CSMD1: variants seen among roughly 807,000 people sequenced by gnomAD.
CSMD1 encodes CUB and Sushi multiple domains 1.
In CSMD1, 213 loss-of-function variants were observed where a neutral mutation model predicts 417.5. That is an observed-to-expected ratio of 0.51 (90% CI 0.46 to 0.57). The LOEUF (loss-of-function observed/expected upper bound fraction) is 0.57, where lower values mean the gene tolerates loss of function less well. Among genes scored for constraint, CSMD1 ranks in the 20% least tolerant of loss-of-function variants. CSMD1 has a pLI of 0.00. For missense variants in CSMD1, 6,923 were observed against 4,529.7 expected (o/e 1.53, Z -15.17); for synonymous variants, 2,862 against 1,736.8 (o/e 1.65, Z -16.11).
chr8:2,958,113 C>T (rs1018286942), intron 62 of CSMD1, among the ~76,000 whole-genome samples: 4 of 152,018 alleles, frequency 2.6e-5, no homozygotes, highest in Non-Finnish European at 5.9e-5. Flanking sequence ...ATTATTATTT[C>T]CTTTTTCATT....
At chr8:3,621,098 G>C (rs961752623) in intron 7 of CSMD1, among the ~76,000 whole-genome samples, 2 of 152,172 alleles carry the variant, frequency 1.3e-5, no homozygotes, top group East Asian at 1.9e-4. Flanking sequence ...TCATCCACAA[G>C]ACAAGGAGAG....
chr8:4,391,346 A>G (rs1803838442), intron 3 of CSMD1, among the ~76,000 whole-genome samples: 2 of 152,114 alleles, frequency 1.3e-5, no homozygotes, highest in Non-Finnish European at 2.9e-5. Context: ...GACTGAGCTG[A>G]GCTATGGACT....
intron 3 of CSMD1, among the ~76,000 whole-genome samples, chr8:4,060,294 C>A (rs1485552605): frequency 1.1e-4 from 16 of 152,128 alleles, no homozygotes; most frequent in Non-Finnish European, 2.9e-5. Context: ...GGACGTATCT[C>A]AGAATAATAA....
chr8:4,104,247 A>G (rs1056206439), intron 3 of CSMD1, among the ~76,000 whole-genome samples: 2 of 152,252 alleles, frequency 1.3e-5, no homozygotes, highest in African/African-American at 2.4e-5. Flanking sequence ...AGACATAGAT[A>G]CATAATGATT....
rs555049278 is a variant in CSMD1, at chr8:2,986,640, G to A, written c.8378-7840C>T. 5.9e-5 allele frequency among the ~76,000 whole-genome samples: 9 copies of A among 152,132 alleles called. No individual in the cohort carries two copies. The East Asian group carries it at 1.7e-3, about 30-fold the overall frequency. ...CTGCCTCAGTCTCCCGAGTAGGTGG[G>A]ACTACAGGTGCCCACCACCACGCCC... On this transcript the variant is annotated intron_variant, in intron 54 of 69. Coordinates refer to ENST00000635120, the MANE Select transcript of CSMD1 (RefSeq NM_033225.6).
intron 3 of CSMD1, among the ~76,000 whole-genome samples, chr8:4,145,932 G>A (rs750063669): frequency 6.6e-6 from 1 of 150,924 alleles, no homozygotes; most frequent in Non-Finnish European, 1.5e-5. Flanking sequence ...CCCATTGTTT[G>A]TAAGACTGAC....
chr8:4,563,026 A>G (rs1245799382), intron 2 of CSMD1, among the ~76,000 whole-genome samples: 2 of 152,152 alleles, frequency 1.3e-5, no homozygotes, highest in Non-Finnish European at 2.9e-5. Flanking sequence ...CCGGTGTTTT[A>G]AACAGTGTTT....
At chr8:4,523,559 T>A (rs911976196) in intron 2 of CSMD1, among the ~76,000 whole-genome samples, 1 of 152,114 alleles carries the variant, frequency 6.6e-6, no homozygotes, top group Non-Finnish European at 1.5e-5. Context: ...GCAGACAGAA[T>A]ATGCAATTGT....
At chr8:3,841,603 T>C (rs1803137360) in intron 5 of CSMD1, among the ~76,000 whole-genome samples, 1 of 152,018 alleles carries the variant, frequency 6.6e-6, no homozygotes. Context: ...CTAGAAAGGA[T>C]TTTAGAACTG....
chr8:3,438,975 C>T (rs1407913384), intron 12 of CSMD1, among the ~76,000 whole-genome samples: 1 of 150,568 alleles, frequency 6.6e-6, no homozygotes. Context: ...ATTAGCCGGG[C>T]ATGGTAGTGG....
chr8:3,218,279 T>C (rs962040643), intron 29 of CSMD1, among the ~76,000 whole-genome samples: 4 of 152,110 alleles, frequency 2.6e-5, no homozygotes, highest in African/African-American at 7.2e-5. Context: ...ATGAAGTTAT[T>C]GGCCGGGCGC....
intron 12 of CSMD1, among the ~76,000 whole-genome samples, chr8:3,429,313 TG>T (rs1814058599): frequency 6.6e-6 from 1 of 152,168 alleles, no homozygotes; most frequent in Admixed American, 6.5e-5. Flanking sequence ...AATAAAATGC[TG>T]AAGGAAATAT....
chr8:4,220,491 T>C (rs1226400804), intron 3 of CSMD1, among the ~76,000 whole-genome samples: 1 of 152,164 alleles, frequency 6.6e-6, no homozygotes, highest in East Asian at 1.9e-4. Context: ...AACATCACTT[T>C]GTGTAAGAAA....
At chr8:4,390,093 T>C (rs933828110) in intron 3 of CSMD1, among the ~76,000 whole-genome samples, 7 of 152,352 alleles carry the variant, frequency 4.6e-5, no homozygotes, top group Middle Eastern at 3.4e-3. Flanking sequence ...TGCATTCTCC[T>C]AAACATTTGG....
chr8:3,248,000 C>T (rs1799997400), intron 26 of CSMD1, among the ~76,000 whole-genome samples: 1 of 152,102 alleles, frequency 6.6e-6, no homozygotes, highest in African/African-American at 2.4e-5. Flanking sequence ...CTTTCTACAT[C>T]AACATCATCA....
intron 68 of CSMD1, among the ~76,000 whole-genome samples, chr8:2,946,007 C>T (rs1205564190): frequency 6.6e-6 from 1 of 152,120 alleles, no homozygotes; most frequent in Admixed American, 6.5e-5. Context: ...GGCAATTTTG[C>T]GGCTGTGTGA....
At chr8:4,496,425 A>G (rs1292416906) in intron 2 of CSMD1, among the ~76,000 whole-genome samples, 1 of 152,200 alleles carries the variant, frequency 6.6e-6, no homozygotes, top group Non-Finnish European at 1.5e-5. Flanking sequence ...TCTCAGAAAG[A>G]AAACATAAAA....
chr8:4,669,767 G>T (rs892512808), intron 1 of CSMD1, among the ~76,000 whole-genome samples: 2 of 152,028 alleles, frequency 1.3e-5, no homozygotes, highest in East Asian at 1.9e-4. Flanking sequence ...GAGGTAGGGG[G>T]TACTGCAAAT....
intron 33 of CSMD1, among the ~76,000 whole-genome samples, chr8:3,198,919 TA>T (rs35992282): frequency 0.87 from 131,870 of 152,140 alleles, 57,809 homozygotes; most frequent in Non-Finnish European, 0.94. Flanking sequence ...CTAGAAAAAC[TA>T]AAATATTGCT....
Sources: allele counts gnomAD v4.1 joint callset (sites outside exome capture counted in the v4.1 genomes callset), GRCh38; gene constraint gnomAD v4.1.1; transcripts MANE v1.5; gene names NCBI Gene and HGNC (gene_info 2026-07-23, HGNC 2026-07-21).